Variants in NBEA observed in about 807,000 individuals in gnomAD.
NBEA encodes the protein neurobeachin.
In NBEA, 44 loss-of-function variants were observed where a neutral mutation model predicts 343.4. The observed-to-expected ratio is 0.13, with a 90% confidence interval of 0.10 to 0.16. The LOEUF (loss-of-function observed/expected upper bound fraction) is 0.16. Among genes scored for constraint, NBEA ranks in the 10% least tolerant of loss-of-function variants. The pLI, the probability that NBEA is intolerant of heterozygous loss-of-function variation, is 1.00. For missense variants in NBEA, 2,555 were observed against 3,631.3 expected (o/e 0.70, Z 7.62); for synonymous variants, 1,175 against 1,238.7 (o/e 0.95, Z 1.08).
intron 1 of NBEA, among the ~76,000 whole-genome samples, chr13:34,996,419 T>C (rs2060942553): frequency 6.6e-6 from 1 of 152,154 alleles, no homozygotes; most frequent in Admixed American, 6.5e-5. Context: ...TGAATGCTAA[T>C]ATCTGAAATG....
intron 52 of NBEA, among the ~76,000 whole-genome samples, chr13:35,651,385 A>G (rs912740878): frequency 5.3e-5 from 8 of 152,018 alleles, no homozygotes; most frequent in Admixed American, 4.6e-4. Context: ...CCTGCTTGGA[A>G]GCATAGCCCT....
intron 41 of NBEA, among the ~76,000 whole-genome samples, chr13:35,499,955 G>C (rs1322117566): frequency 6.6e-6 from 1 of 152,060 alleles, no homozygotes; most frequent in East Asian, 1.9e-4. Flanking sequence ...AAATCATTAA[G>C]ACTCTGAATG....
chr13:35,358,964 A>C (rs2040655461), intron 38 of NBEA, among the ~76,000 whole-genome samples: 1 of 152,124 alleles, frequency 6.6e-6, no homozygotes, highest in African/African-American at 2.4e-5. Context: ...AAACAGAATG[A>C]ACAAAAAGGA....
chr13:34,987,379 G>A (rs1218844275), intron 1 of NBEA, among the ~76,000 whole-genome samples: 1 of 150,986 alleles, frequency 6.6e-6, no homozygotes, highest in Non-Finnish European at 1.5e-5. Context: ...AGTCTGATGG[G>A]CTTCCCTTTG....
At chr13:35,522,067 T>C (rs987991352) in intron 41 of NBEA, among the ~76,000 whole-genome samples, 1 of 152,036 alleles carries the variant, frequency 6.6e-6, no homozygotes, top group South Asian at 2.1e-4. Context: ...GAACCACTTC[T>C]GAGAACAGCA....
At chr13:35,628,278 AATTTCTGTC>A in intron 49 of NBEA, 30 bp downstream of exon 49, 2 of 1,472,612 alleles carry the variant, frequency 1.4e-6, no homozygotes, top group Non-Finnish European at 1.8e-6. Flanking sequence ...TTATTCCAAA[AATTTCTGTC>A]ATCTCTCAAA....
chr13:35,433,587 G>C (rs1164896923), intron 39 of NBEA, among the ~76,000 whole-genome samples: 2 of 151,692 alleles, frequency 1.3e-5, no homozygotes, highest in Non-Finnish European at 2.9e-5. Context: ...AACTTAATAA[G>C]CATCAAAATA....
chr13:35,533,225 A>G (rs2078351608), intron 41 of NBEA, among the ~76,000 whole-genome samples: 2 of 152,156 alleles, frequency 1.3e-5, no homozygotes, highest in South Asian at 2.1e-4. Flanking sequence ...TCTTTCTCCA[A>G]CAATGAATCA....
chr13:35,004,607 T>C (rs1214115031), intron 1 of NBEA, among the ~76,000 whole-genome samples: 1 of 152,186 alleles, frequency 6.6e-6, no homozygotes, highest in African/African-American at 2.4e-5. Flanking sequence ...TTCTTGTGGA[T>C]TGGGGATATC....
chr13:35,491,509 G>A (rs771865913), intron 41 of NBEA, among the ~76,000 whole-genome samples: 5 of 151,632 alleles, frequency 3.3e-5, no homozygotes, highest in East Asian at 2.0e-4. Flanking sequence ...CCTTTTTTCC[G>A]GTTTCTTAGG....
At position 35,134,316 on chromosome 13, in the gene NBEA, A is replaced by G. The variant is rs149330838; in HGVS notation, c.2337-7953A>G. ...ACTTGGCTCAACAGATATATGTTCAATCTTACATATTTTGAGGATATACTT... is the reference window on the plus strand; with the variant it reads ...ACTTGGCTCAACAGATATATGTTCAGTCTTACATATTTTGAGGATATACTT... On this transcript the variant is annotated intron_variant, in intron 17 of 58. Coordinates refer to ENST00000379939, the MANE Select transcript of NBEA (RefSeq NM_001385012.1). Among the ~76,000 whole-genome samples the G allele has an allele frequency of 5.9e-5, 9 of 151,986 alleles. No homozygotes were observed. The East Asian group carries it at 9.7e-4, about 16-fold the overall frequency.
chr13:35,055,799 T>C (rs534109036), intron 6 of NBEA, among the ~76,000 whole-genome samples: 1 of 152,230 alleles, frequency 6.6e-6, no homozygotes, highest in Non-Finnish European at 1.5e-5. Context: ...CAAGGGGTTG[T>C]AGTTCTTGTC....
In NBEA at chr13:35,643,091, C is replaced by CT. The variant is rs75357259; in HGVS notation, c.7618-2767dup. Reference sequence around the variant, plus strand: ...ATTCATCTCACAGTTCCAGTAGTTTCTTTTTTTTTTTAACTTGATATATTT... The same window carrying CT: ...ATTCATCTCACAGTTCCAGTAGTTTCTTTTTTTTTTTTAACTTGATATATTT... On this transcript the variant is annotated intron_variant, in intron 49 of 58. Transcript: ENST00000379939. Among the ~76,000 whole-genome samples, 559 of 146,076 alleles carry CT rather than the reference C, an allele frequency of 3.8e-3. 4 individuals are homozygous for CT. Among genetic ancestry groups the CT allele is most frequent in the South Asian group, 0.026 (121 of 4,570 alleles).
At chr13:35,667,833 C>T (rs2085432210) in intron 57 of NBEA, among the ~76,000 whole-genome samples, 1 of 152,158 alleles carries the variant, frequency 6.6e-6, no homozygotes, top group Non-Finnish European at 1.5e-5. Context: ...GTTTTTAAAG[C>T]TCCTTTTATA....
At chr13:35,301,406 T>A (rs1359585639) in intron 35 of NBEA, among the ~76,000 whole-genome samples, 1 of 152,132 alleles carries the variant, frequency 6.6e-6, no homozygotes, top group Non-Finnish European at 1.5e-5. Flanking sequence ...TTCTCATTGT[T>A]CAACTCCCAC....
intron 40 of NBEA, 73 bp from the exon 41 acceptor site, chr13:35,472,327 C>T (rs2075688005): frequency 1.3e-6 from 2 of 1,531,608 alleles, no homozygotes; most frequent in Non-Finnish European, 1.8e-6. Flanking sequence ...ATAAAAACCT[C>T]TGGTACCTTT....
At chr13:35,364,082 C>G (rs144800356) in intron 38 of NBEA, among the ~76,000 whole-genome samples, 1 of 152,016 alleles carries the variant, frequency 6.6e-6, no homozygotes, top group African/African-American at 2.4e-5. Context: ...CTCCATGTGA[C>G]ATGAGGTCAC....
intron 34 of NBEA, among the ~76,000 whole-genome samples, chr13:35,260,116 C>T (rs1428602045): frequency 1.3e-5 from 2 of 152,198 alleles, no homozygotes; most frequent in African/African-American, 4.8e-5. Context: ...CATGTCCACA[C>T]TTCTTCGTGC....
At chr13:34,955,572 G>C (rs1045395409) in intron 1 of NBEA, among the ~76,000 whole-genome samples, 2 of 152,140 alleles carry the variant, frequency 1.3e-5, no homozygotes, top group African/African-American at 4.8e-5. Context: ...GAAAAGAACA[G>C]CTTTCCACAA....
Sources: gnomAD v4.1 joint callset for allele counts (sites outside exome capture counted in the v4.1 genomes callset) on GRCh38, gnomAD v4.1.1 for gene constraint, MANE v1.5 for transcripts, NCBI Gene and HGNC (gene_info 2026-07-23, HGNC 2026-07-21) for gene names.